UNC13B: variants seen among roughly 807,000 people sequenced by gnomAD.
The protein encoded by UNC13B is protein unc-13 homolog B.
UNC13B carries 144 observed loss-of-function variants against 211.0 expected under a neutral mutation model. That is an observed-to-expected ratio of 0.68 (90% CI 0.60 to 0.78). The LOEUF (loss-of-function observed/expected upper bound fraction) is 0.78, where lower values mean the gene tolerates loss of function less well. Among genes scored for constraint, UNC13B ranks in the 30% least tolerant of loss-of-function variants. The probability of loss-of-function intolerance (pLI) is 0.00; values close to 1 mark genes in which losing one functional copy is unlikely to be tolerated. For synonymous variants in UNC13B, 709 were observed against 725.8 expected (o/e 0.98, Z 0.37); for missense variants, 1,777 against 2,002.0 (o/e 0.89, Z 2.14).
chr9:35,380,374 A>G (rs367825185), intron 17 of UNC13B, 96 bp from the exon 18 acceptor site: 4 of 1,350,048 alleles, frequency 3.0e-6, no homozygotes, highest in South Asian at 2.8e-5. Context: ...CAGGGCCTCA[A>G]GTGCAGCTGT....
At chr9:35,350,155 C>T (rs1396420641) in intron 11 of UNC13B, among the ~76,000 whole-genome samples, 2 of 152,258 alleles carry the variant, frequency 1.3e-5, no homozygotes, top group Middle Eastern at 3.4e-3. Context: ...CTACTGCTTC[C>T]GTACACTCTC....
intron 21 of UNC13B, among the ~76,000 whole-genome samples, chr9:35,382,721 C>A (rs1328863918): frequency 6.6e-6 from 1 of 152,052 alleles, no homozygotes; most frequent in African/African-American, 2.4e-5. Flanking sequence ...CGCCACCACG[C>A]CCGGATAATT....
intron 11 of UNC13B, among the ~76,000 whole-genome samples, chr9:35,332,059 G>T (rs1365101491): frequency 6.6e-6 from 1 of 151,392 alleles, no homozygotes; most frequent in African/African-American, 2.4e-5. Context: ...TCAGCTCACT[G>T]CAACCTCCAC....
At chr9:35,183,760 C>T (rs1484231372) in intron 1 of UNC13B, among the ~76,000 whole-genome samples, 1 of 138,530 alleles carries the variant, frequency 7.2e-6, no homozygotes, top group Admixed American at 7.3e-5. Flanking sequence ...TCCTCACATC[C>T]CAGACGATGG....
At chr9:35,243,894 A>C (rs1233747653) in intron 6 of UNC13B, among the ~76,000 whole-genome samples, 3 of 152,040 alleles carry the variant, frequency 2.0e-5, no homozygotes, top group African/African-American at 4.8e-5. Flanking sequence ...TTTATTTTGG[A>C]CATGTGGGCT....
chr9:35,185,932 GA>G (rs568465100), intron 1 of UNC13B, among the ~76,000 whole-genome samples: 190 of 126,594 alleles, frequency 1.5e-3, no homozygotes, highest in Middle Eastern at 4.1e-3. Flanking sequence ...AAAGAAAAAA[GA>G]AAAAAAAAAA....
At chr9:35,194,302 G>A (rs890718805) in intron 1 of UNC13B, among the ~76,000 whole-genome samples, 3 of 152,148 alleles carry the variant, frequency 2.0e-5, no homozygotes, top group East Asian at 1.9e-4. Context: ...TATGACAGTC[G>A]CAGACAGGAA....
At position 35,305,381 on chromosome 9, in the gene UNC13B, G is replaced by C. The variant is rs893269362; in HGVS notation, c.5977G>C (p.Val1993Leu). 2.5e-6 allele frequency: 1 copy of C among 398,964 alleles called. No individual in the cohort carries two copies. Among genetic ancestry groups the C allele is most frequent in the East Asian group, 3.6e-5 (1 of 28,074 alleles). 24.7% of individuals were successfully genotyped at this position (398,964 alleles called of 1,614,324 possible). A position where few individuals can be genotyped will look rare whatever the true frequency, so the allele number is the denominator to read the frequency against. The change falls in exon 9 of 40, where the codon GTA becomes CTA. Residue 1993 changes from valine (V) to leucine (L), a missense_variant. Transcript: ENST00000635942. ...GTLGDFFKAN[V>L]SPIQTTENTS... ...CCTTGGGGATTTCTTTAAAGCCAAT[G>C]TATCTCCTATACAGACAACTGAAAA...
intron 1 of UNC13B, 120 bp downstream of exon 1, chr9:35,162,425 C>A: frequency 7.7e-7 from 1 of 1,303,914 alleles, no homozygotes; most frequent in South Asian, 1.5e-5. Context: ...CTTTGGGGGT[C>A]TATTATTTTG....
At chr9:35,229,391 G>A (rs1280256971) in intron 2 of UNC13B, among the ~76,000 whole-genome samples, 1 of 152,108 alleles carries the variant, frequency 6.6e-6, no homozygotes, top group East Asian at 1.9e-4. Context: ...AATCTGCTCT[G>A]TTGTTTCTCT....
At position 35,307,154 on chromosome 9, in the gene UNC13B, G is replaced by T; in HGVS notation, c.7750G>T (p.Asp2584Tyr). The T allele has an allele frequency of 2.5e-6, 1 of 398,954 alleles. No homozygotes were observed. Among genetic ancestry groups the T allele is most frequent in the South Asian group, 1.3e-4 (1 of 7,826 alleles). The allele number at this position is 398,954 out of a possible 1,614,324, so 24.7% of individuals were successfully genotyped here. ...GCCAGAATCAGATATCTTGACAGAT[G>T]ATCCTAAACTAACAACCAAAATGGA... ...AKPESDILTDDPKLTTKMEDN... is the reference protein window; with the variant it reads ...AKPESDILTDYPKLTTKMEDN... Residue 2584 changes from aspartate to tyrosine, a missense_variant, in exon 9 of 40, where the codon GAT becomes TAT. Asp to Tyr is a radical substitution (Grantham distance 160). Coordinates refer to ENST00000635942, the MANE Select transcript of UNC13B (RefSeq NM_001371189.2).
At chr9:35,229,568 C>T (rs1264721006) in intron 2 of UNC13B, among the ~76,000 whole-genome samples, 2 of 152,038 alleles carry the variant, frequency 1.3e-5, no homozygotes, top group Non-Finnish European at 2.9e-5. Flanking sequence ...CAGCTTTTGG[C>T]CAGCTCATGG....
intron 18 of UNC13B, 107 bp downstream of exon 18, chr9:35,380,746 T>C (rs564213947): frequency 2.1e-6 from 3 of 1,428,174 alleles, no homozygotes; most frequent in Admixed American, 1.9e-5. Context: ...CATACCTCTA[T>C]ACAGAGCCTG....
chr9:35,334,112 C>T (rs1831519515), intron 11 of UNC13B, among the ~76,000 whole-genome samples: 1 of 152,028 alleles, frequency 6.6e-6, no homozygotes, highest in Non-Finnish European at 1.5e-5. Flanking sequence ...ATTACAGGTG[C>T]CCACCACCAT....
intron 1 of UNC13B, among the ~76,000 whole-genome samples, chr9:35,163,967 T>C (rs557305224): frequency 6.6e-6 from 1 of 152,356 alleles, no homozygotes; most frequent in African/African-American, 2.4e-5. Context: ...TGGCAAAGTA[T>C]TCATTTTGGG....
chr9:35,278,765 C>T (rs1828317700), intron 7 of UNC13B, among the ~76,000 whole-genome samples: 1 of 152,046 alleles, frequency 6.6e-6, no homozygotes, highest in Non-Finnish European at 1.5e-5. Flanking sequence ...GCATAAGGTA[C>T]AAAATTCGAT....
intron 1 of UNC13B, among the ~76,000 whole-genome samples, chr9:35,174,091 A>C (rs368803507): frequency 6.6e-6 from 1 of 152,158 alleles, no homozygotes; most frequent in Non-Finnish European, 1.5e-5. Flanking sequence ...CAGCTTTATG[A>C]TATCTATTCA....
chr9:35,385,022 C>G, intron 22 of UNC13B: 4 of 984,748 alleles, frequency 4.1e-6, no homozygotes, highest in Non-Finnish European at 4.8e-6. Context: ...TCCATTTGCA[C>G]AAATAATGGA....
chr9:35,360,983 G>A (rs1006032771), intron 11 of UNC13B: 2 of 152,194 alleles, frequency 1.3e-5, no homozygotes, highest in Admixed American at 6.5e-5. Flanking sequence ...CCAGCCCTTA[G>A]TATAATAGGT....
Sources: allele counts gnomAD v4.1 joint callset (sites outside exome capture counted in the v4.1 genomes callset), GRCh38; gene constraint gnomAD v4.1.1; transcripts MANE v1.5; gene names NCBI Gene and HGNC (gene_info 2026-07-23, HGNC 2026-07-21).